Variants in IRF8 observed in about 807,000 individuals in gnomAD.
IRF8 encodes the protein interferon regulatory factor 8.
Under a neutral mutation model 48.7 loss-of-function variants are expected in IRF8, and 14 were observed. The observed-to-expected ratio is 0.29, with a 90% CI of 0.19 to 0.45. The LOEUF is 0.45. Ranked by LOEUF, IRF8 falls within the 20% of genes least tolerant of loss-of-function variation. The pLI, the probability that IRF8 is intolerant of heterozygous loss-of-function variation, is 1.00. For missense variants in IRF8, 493 were observed against 580.7 expected, an observed-to-expected ratio of 0.85 and a Z score of 1.55; for synonymous variants, 278 against 227.3, an observed-to-expected ratio of 1.22 and a Z score of -2.01.
rs1358623313 is a variant in IRF8, at chr16:85,922,468, A to C, written c.*1186A>C. 6.6e-6 allele frequency: 1 copy of C among 152,368 alleles called. No individual in the cohort carries two copies. Among genetic ancestry groups the C allele is most frequent in the East Asian group, 1.9e-4 (1 of 5,342 alleles). 9.4% of individuals were successfully genotyped at this position (152,368 alleles called of 1,614,324 possible). ...TTTGCTGAAGTGTTCATAAGATAAC[A>C]ATAGGCTTGAATCTCCAATTCAAAT... On this transcript the variant is annotated 3_prime_UTR_variant, in exon 9 of 9. Coordinates refer to ENST00000268638, the MANE Select transcript of IRF8 (RefSeq NM_002163.4).
intron 2 of IRF8, among the ~76,000 whole-genome samples, chr16:85,905,729 A>G (rs1904979906): frequency 6.6e-6 from 1 of 152,256 alleles, no homozygotes. Flanking sequence ...TCGGTCAGGT[A>G]GAGCCATCTT....
At chr16:85,920,323 T>G (rs909782600) in intron 8 of IRF8, 99 bp downstream of exon 8, 16 of 790,276 alleles carry the variant, frequency 2.0e-5, no homozygotes, top group Non-Finnish European at 3.0e-5. Flanking sequence ...CTTGGCTCAC[T>G]GCAACCTCCG....
chr16:85,918,303 G>A, intron 6 of IRF8, 114 bp from the exon 7 acceptor site: 1 of 1,251,804 alleles, frequency 8.0e-7, no homozygotes, highest in Non-Finnish European at 1.1e-6. Context: ...TATCAAAGTG[G>A]TTCAAGACAC....
At chr16:85,899,503 A>T (rs1904754148) in intron 1 of IRF8, among the ~76,000 whole-genome samples, 1 of 152,278 alleles carries the variant, frequency 6.6e-6, no homozygotes, top group African/African-American at 2.4e-5. Context: ...TTTACATGGA[A>T]AACGTTAGGA....
intron 4 of IRF8, among the ~76,000 whole-genome samples, 153 bp downstream of exon 4, chr16:85,911,811 A>T (rs1442757594): frequency 6.6e-6 from 1 of 152,200 alleles, no homozygotes; most frequent in Non-Finnish European, 1.5e-5. Context: ...TCTGGAACGG[A>T]AGGACTGGCT....
intron 1 of IRF8, among the ~76,000 whole-genome samples, chr16:85,901,712 C>T (rs1411937999): frequency 6.6e-6 from 1 of 152,186 alleles, no homozygotes; most frequent in African/African-American, 2.4e-5. Flanking sequence ...ACCTCCTCCT[C>T]CCTGGGACCT....
chr16:85,916,956 C>T (rs1401960828), intron 6 of IRF8, among the ~76,000 whole-genome samples: 1 of 152,162 alleles, frequency 6.6e-6, no homozygotes, highest in Non-Finnish European at 1.5e-5. Context: ...TGAGGTGGAC[C>T]AGAGCTTCTG....
At chr16:85,910,129 A>G (rs1177733343) in intron 3 of IRF8, among the ~76,000 whole-genome samples, 1 of 152,212 alleles carries the variant, frequency 6.6e-6, no homozygotes, top group Admixed American at 6.5e-5. Flanking sequence ...TCTATAGTGA[A>G]TCTGTGTCAG....
In IRF8 at chr16:85,921,307, C is replaced by T. The variant is rs549569286; in HGVS notation, c.*25C>T. ...AGTGCGTCGCTTGGGCGCCCCACCCCGTCTGCGTCCTGCATCCATCTCCCT... is the reference window on the plus strand; with the variant it reads ...AGTGCGTCGCTTGGGCGCCCCACCCTGTCTGCGTCCTGCATCCATCTCCCT... On this transcript the variant is annotated 3_prime_UTR_variant, in exon 9 of 9. Transcript: ENST00000268638. The T allele has an allele frequency of 1.4e-5, 22 of 1,608,978 alleles. No individual in the cohort carries two copies. The highest frequency in any genetic ancestry group is 1.6e-4 in the Middle Eastern group (1 of 6,082).
intron 4 of IRF8, 93 bp downstream of exon 4, chr16:85,911,751 C>A: frequency 2.9e-6 from 3 of 1,048,994 alleles, no homozygotes; most frequent in Non-Finnish European, 4.4e-6. Context: ...TGTATGAAGG[C>A]AGCCAGACCC....
intron 8 of IRF8, 29 bp from the exon 9 acceptor site, chr16:85,921,077 G>T: frequency 6.3e-7 from 1 of 1,597,012 alleles, no homozygotes; most frequent in Non-Finnish European, 8.5e-7. Context: ...CTCCGCCTCT[G>T]CCTCTGACTT....
intron 1 of IRF8, chr16:85,902,631 A>T: frequency 3.2e-6 from 1 of 315,100 alleles, no homozygotes; most frequent in South Asian, 3.0e-5. Context: ...CAGTGAAGGA[A>T]CCTGGTGCTG....
In IRF8 at chr16:85,918,600, G is replaced by A; in HGVS notation, c.785G>A (p.Arg262Gln). 3 of 1,607,440 alleles carry A rather than the reference G, an allele frequency of 1.9e-6. No homozygotes were observed. Among genetic ancestry groups the A allele is most frequent in the Non-Finnish European group, 2.5e-6 (3 of 1,179,440 alleles). ...FPPADAIPSERQRQVTRKLFG... is the reference protein window; with the variant it reads ...FPPADAIPSEQQRQVTRKLFG... ...CCGGCCGACGCCATCCCCAGCGAGC[G>A]ACAGAGGCAGGTGACGCGGAAGCTG... The change falls in exon 7 of 9, where the codon CGA becomes CAA. Residue 262 changes from arginine to glutamine, a missense_variant. Transcript: ENST00000268638.
Position 85,905,702 on chromosome 16 carries a change from G to C in IRF8, c.174+2513G>C, listed in dbSNP as rs78664518. On this transcript the variant is annotated intron_variant, in intron 2 of 8. Coordinates refer to ENST00000268638, the MANE Select transcript of IRF8 (RefSeq NM_002163.4). ...ACGTTGGCCGGATAGATCTTTGGCTGTTGGATGAAGTCAACCTCGGTCAGG... is the reference window on the plus strand; with the variant it reads ...ACGTTGGCCGGATAGATCTTTGGCTCTTGGATGAAGTCAACCTCGGTCAGG... 5.9e-3 allele frequency among the ~76,000 whole-genome samples: 903 copies of C among 152,332 alleles called. 6 individuals carry two copies. Among genetic ancestry groups the C allele is most frequent in the African/African-American group, 0.021 (861 of 41,574 alleles).
intron 2 of IRF8, among the ~76,000 whole-genome samples, chr16:85,908,371 A>G (rs1905060345): frequency 6.6e-6 from 1 of 152,230 alleles, no homozygotes; most frequent in South Asian, 2.1e-4. Context: ...TAAGGTTTGG[A>G]AAAGTCAGAA....
chr16:85,910,959 A>C (rs958923926), intron 3 of IRF8, among the ~76,000 whole-genome samples: 1 of 152,222 alleles, frequency 6.6e-6, no homozygotes, highest in Non-Finnish European at 1.5e-5. Context: ...GCGGCATGAG[A>C]AGGGAAAGAG....
chr16:85,922,287 TC>T lies in IRF8; in HGVS notation c.*1007del, dbSNP rs1905608183. On this transcript the variant is annotated 3_prime_UTR_variant, in exon 9 of 9. Transcript: ENST00000268638. ...ATCTGAAAAGCCAGATATGCCTGTT[TC>T]CTTTTCCCAGCACCATGCCTGTGGA... 1 of 152,390 alleles carries T rather than the reference TC, an allele frequency of 6.6e-6. No homozygotes were observed. Among genetic ancestry groups the T allele is most frequent in the Non-Finnish European group, 1.5e-5 (1 of 68,056 alleles). 9.4% of individuals were successfully genotyped at this position (152,390 alleles called of 1,614,324 possible).
At chr16:85,918,097 T>G (rs1298942162) in intron 6 of IRF8, among the ~76,000 whole-genome samples, 1 of 152,220 alleles carries the variant, frequency 6.6e-6, no homozygotes. Flanking sequence ...AAACATCGTT[T>G]GCCCTCAGCT....
intron 4 of IRF8, among the ~76,000 whole-genome samples, chr16:85,912,662 T>C (rs944068529): frequency 5.3e-5 from 8 of 152,346 alleles, no homozygotes; most frequent in Non-Finnish European, 1.2e-4. Flanking sequence ...AGAAAAGCAA[T>C]TTCAAAACAT....
Sources: gnomAD v4.1 joint callset for allele counts (sites outside exome capture counted in the v4.1 genomes callset) on GRCh38, gnomAD v4.1.1 for gene constraint, MANE v1.5 for transcripts, NCBI Gene and HGNC (gene_info 2026-07-23, HGNC 2026-07-21) for gene names.